ENOX2: variants seen among roughly 807,000 people sequenced by gnomAD.
The protein encoded by ENOX2 is APK1 antigen.
ENOX2 carries 36 observed loss-of-function variants against 45.0 expected under a neutral mutation model. The ratio of observed to expected loss-of-function variants is 0.80; its 90% CI spans 0.61 to 1.06. The LOEUF (loss-of-function observed/expected upper bound fraction) is 1.06. ENOX2 is among the 50% of genes least tolerant of loss of function. The probability of loss-of-function intolerance (pLI) is 0.00; values close to 1 mark genes in which losing one functional copy is unlikely to be tolerated. For missense variants in ENOX2, 423 were observed against 462.5 expected, an observed-to-expected ratio of 0.91 and a Z score of 0.78; for synonymous variants, 174 against 152.3, an observed-to-expected ratio of 1.14 and a Z score of -1.05.
At chrX:130,858,420 T>C (rs765563659) in intron 2 of ENOX2, among the ~76,000 whole-genome samples, 326 of 111,115 alleles carry the variant, frequency 2.9e-3, no homozygotes, top group African/African-American at 9.0e-3. Flanking sequence ...GCCCGGCCAA[T>C]CATGGGCATT....
At chrX:130,786,089 T>C (rs1161939443) in intron 2 of ENOX2, among the ~76,000 whole-genome samples, 1 of 113,049 alleles carries the variant, frequency 8.8e-6, no homozygotes, top group African/African-American at 3.2e-5. Flanking sequence ...CCTCCCACAA[T>C]TATATTCTTG....
intron 3 of ENOX2, among the ~76,000 whole-genome samples, chrX:130,711,056 G>C (rs1380642641): frequency 8.9e-6 from 1 of 111,887 alleles, no homozygotes; most frequent in Non-Finnish European, 1.9e-5. Flanking sequence ...AGAAGTATTT[G>C]TTGTGAAAAG....
intron 6 of ENOX2, among the ~76,000 whole-genome samples, chrX:130,677,980 G>A (rs765910034): frequency 1.5e-4 from 16 of 108,817 alleles, no homozygotes; most frequent in East Asian, 5.8e-4. Context: ...CCACCTACTC[G>A]GGAGGCTGAG....
chrX:130,632,367 G>GGC (rs1407571851), intron 12 of ENOX2, among the ~76,000 whole-genome samples: 2 of 46,511 alleles, frequency 4.3e-5, no homozygotes, highest in Admixed American at 2.7e-4. Flanking sequence ...GAAGGGGCGG[G>GGC]GGGGGGGGGT....
At chrX:130,870,610 C>T (rs2078562550) in intron 2 of ENOX2, among the ~76,000 whole-genome samples, 1 of 111,261 alleles carries the variant, frequency 9.0e-6, no homozygotes, top group African/African-American at 3.3e-5. Context: ...TGTATTCTAC[C>T]TGATGTTACA....
chrX:130,689,004 G>T lies in ENOX2; in HGVS notation c.112C>A (p.Leu38Ile), dbSNP rs763463510. The T allele has an allele frequency of 8.3e-7, 1 of 1,207,266 alleles. No individual in the cohort carries two copies. The highest frequency in any genetic ancestry group is 1.8e-5 in the South Asian group (1 of 55,930). ...QPILPDFDPALGMMTGIPPIT... is the reference protein window; with the variant it reads ...QPILPDFDPAIGMMTGIPPIT... ...GGTGGAATTCCAGTCATCATTCCAA[G>T]AGCAGGATCAAAGTCTAAAAAAGGA... The change falls in exon 5 of 15, where the codon CTT (leucine) becomes ATT (isoleucine). Residue 38 changes from leucine to isoleucine, a missense_variant. This residue lies in a region of ENOX2 where 261 missense variants were observed against 306.8 expected (regional missense o/e 0.85). Transcript: ENST00000394363.
chrX:130,878,391 C>G (rs748778483), intron 2 of ENOX2, among the ~76,000 whole-genome samples: 2 of 111,841 alleles, frequency 1.8e-5, no homozygotes, highest in South Asian at 7.6e-4. Flanking sequence ...GGGTAGGGCA[C>G]TCAGGGAATA....
At chrX:130,881,028 C>T (rs1161599919) in intron 2 of ENOX2, among the ~76,000 whole-genome samples, 1 of 112,512 alleles carries the variant, frequency 8.9e-6, no homozygotes, top group Non-Finnish European at 1.9e-5. Context: ...AAGAGAATTA[C>T]TCCTTCTGGA....
At chrX:130,822,049 C>T (rs1489917275) in intron 2 of ENOX2, among the ~76,000 whole-genome samples, 25 of 77,793 alleles carry the variant, frequency 3.2e-4, no homozygotes, top group African/African-American at 1.1e-3. Context: ...GCCTGGGTGA[C>T]AGAGTGAGAC....
At chrX:130,784,586 CTTT>C (rs1038640682) in intron 2 of ENOX2, among the ~76,000 whole-genome samples, 3 of 92,225 alleles carry the variant, frequency 3.3e-5, no homozygotes, top group Admixed American at 1.2e-4. Context: ...ATAGCTCACT[CTTT>C]TTTTTTTTTT....
At chrX:130,738,150 A>G (rs1275388261) in intron 3 of ENOX2, among the ~76,000 whole-genome samples, 3 of 112,324 alleles carry the variant, frequency 2.7e-5, no homozygotes, top group African/African-American at 6.5e-5. Context: ...CTGAAGATTT[A>G]AACAACTTAG....
At chrX:130,685,680 C>G (rs1313130187) in intron 5 of ENOX2, among the ~76,000 whole-genome samples, 2 of 111,912 alleles carry the variant, frequency 1.8e-5, no homozygotes, top group African/African-American at 6.5e-5. Flanking sequence ...GAGTGATTCA[C>G]TACAGTTTTA....
chrX:130,652,681 A>T (rs1397767965), intron 10 of ENOX2, among the ~76,000 whole-genome samples: 2 of 112,322 alleles, frequency 1.8e-5, no homozygotes, highest in Non-Finnish European at 3.8e-5. Context: ...GAGGTAGTCA[A>T]ATTACAATGA....
intron 4 of ENOX2, among the ~76,000 whole-genome samples, chrX:130,697,937 C>T (rs1351891283): frequency 9.0e-6 from 1 of 111,656 alleles, no homozygotes; most frequent in Non-Finnish European, 1.9e-5. Context: ...GAAAACAGCT[C>T]CACAGCATTT....
intron 2 of ENOX2, among the ~76,000 whole-genome samples, chrX:130,901,217 T>C (rs1473414032): frequency 8.9e-6 from 1 of 112,333 alleles, no homozygotes; most frequent in Non-Finnish European, 1.9e-5. Flanking sequence ...TTACCACAAC[T>C]GGAAAGTCAA....
chrX:130,640,757 T>C (rs1009387987), intron 10 of ENOX2, among the ~76,000 whole-genome samples: 4 of 110,267 alleles, frequency 3.6e-5, no homozygotes, highest in African/African-American at 1.3e-4. Flanking sequence ...TGTTGGAGGG[T>C]AGGGACTGGG....
intron 9 of ENOX2, among the ~76,000 whole-genome samples, chrX:130,661,788 TC>T (rs2036697324): frequency 8.9e-6 from 1 of 112,401 alleles, no homozygotes; most frequent in South Asian, 3.7e-4. Context: ...TATTTGAATA[TC>T]TATCTGCAAA....
Position 130,631,536 on chromosome X carries a change from C to G in ENOX2, c.1460G>C (p.Ser487Thr). 8.3e-7 allele frequency: 1 copy of G among 1,205,448 alleles called. No individual in the cohort carries two copies. Among genetic ancestry groups the G allele is most frequent in the African/African-American group, 1.7e-5 (1 of 57,708 alleles). ...ASRLCASNQD[S>T]EYPLEKTMNS... ...CATGGTCTTCTCAAGAGGGTATTCG[C>G]TATCCTGGTTTGAGGCACACAGCCT... Residue 487 changes from serine to threonine, a missense_variant, in exon 13 of 15, where the codon AGC becomes ACC. Around this residue, in one of 5 missense-constraint regions of ENOX2, gnomAD observed 108 missense variants for 70.6 expected, o/e 1.53. Coordinates refer to ENST00000394363, the MANE Select transcript of ENOX2 (RefSeq NM_006375.4).
At chrX:130,899,452 G>A (rs367730338) in intron 2 of ENOX2, among the ~76,000 whole-genome samples, 1 of 112,005 alleles carries the variant, frequency 8.9e-6, no homozygotes, top group Non-Finnish European at 1.9e-5. Flanking sequence ...CAGTCTAGTG[G>A]GGAACACAGA....
Sources: gnomAD v4.1 joint callset for allele counts (sites outside exome capture counted in the v4.1 genomes callset) on GRCh38, gnomAD v4.1.1 for gene constraint, gnomAD v4.1.1 regional missense constraint, MANE v1.5 for transcripts, NCBI Gene and HGNC (gene_info 2026-07-23, HGNC 2026-07-21) for gene names.